PAX8: variants seen among roughly 807,000 people sequenced by gnomAD.
PAX8 encodes paired box protein Pax-8.
Under a neutral mutation model 52.4 loss-of-function variants are expected in PAX8, and 15 were observed. The ratio of observed to expected loss-of-function variants is 0.29; its 90% confidence interval spans 0.19 to 0.44. PAX8 has a LOEUF of 0.44. Among genes scored for constraint, PAX8 ranks in the 20% least tolerant of loss-of-function variants. The probability of loss-of-function intolerance (pLI) is 1.00; values close to 1 mark genes in which losing one functional copy is unlikely to be tolerated. For synonymous variants in PAX8, 284 were observed against 249.7 expected, an observed-to-expected ratio of 1.14 and a Z score of -1.29; for missense variants, 554 against 602.5, an observed-to-expected ratio of 0.92 and a Z score of 0.84.
At chr2:113,235,326 G>A (rs944899776) in intron 9 of PAX8, 68 bp downstream of exon 9, 91 of 1,353,732 alleles carry the variant, frequency 6.7e-5, no homozygotes, top group Middle Eastern at 2.5e-4. Flanking sequence ...GGGGCTGGCG[G>A]TCTGCCCTGA....
chr2:113,241,667 T>C lies in PAX8; in HGVS notation c.661A>G (p.Lys221Glu), dbSNP rs1340096337. 3 of 1,614,092 alleles carry C rather than the reference T, an allele frequency of 1.9e-6. No individual in the cohort carries two copies. Among genetic ancestry groups the C allele is most frequent in the African/African-American group, 1.3e-5 (1 of 75,018 alleles). ...CTGAAGGCATCCGTGCGAAGGTGCT[T>C]TCGGGGTCCGCTGCTGCTGCTCTGT... ...DSQSSSSGPR[K>E]HLRTDAFSQH... The change falls in exon 7 of 12, where the codon AAG becomes GAG. Residue 221 changes from lysine to glutamate, a missense_variant. Around this residue, in one of 2 missense-constraint regions of PAX8, gnomAD observed 445 missense variants for 409.9 expected, o/e 1.09. Transcript: ENST00000429538.
intron 10 of PAX8, chr2:113,225,837 G>A: frequency 6.6e-6 from 6 of 903,180 alleles, no homozygotes; most frequent in Non-Finnish European, 7.9e-6. Context: ...GGAACCGACT[G>A]GAGACTGGGA....
In PAX8 at chr2:113,278,308, G is replaced by T. The variant is rs539430071; in HGVS notation, c.25+62C>A. 14 of 1,304,238 alleles carry T rather than the reference G, an allele frequency of 1.1e-5. No homozygotes were observed. In the East Asian group the frequency reaches 3.1e-4, roughly 28 times the overall value. 80.8% of individuals were successfully genotyped at this position (1,304,238 alleles called of 1,614,324 possible). A position where few individuals can be genotyped will look rare whatever the true frequency, so the allele number is the denominator to read the frequency against. On this transcript the variant is annotated intron_variant, in intron 2 of 11. Coordinates refer to ENST00000429538, the MANE Select transcript of PAX8 (RefSeq NM_003466.4). ...ACGCTCTCGAGATCCAACCACCCGA[G>T]CGCACGCACGGACGCTCAGCGGCGC...
At position 113,216,375 on chromosome 2, in the gene PAX8, T is replaced by TCTCCCAGCCTCTGTC; in HGVS notation, c.*2143_*2157dup. The TCTCCCAGCCTCTGTC allele has an allele frequency of 4.3e-6, 1 of 232,004 alleles. No homozygotes were observed. The highest frequency in any genetic ancestry group is 8.5e-6 in the Non-Finnish European group (1 of 117,294). The allele number at this position is 232,004 out of a possible 1,614,324, so 14.4% of individuals were successfully genotyped here. On this transcript the variant is annotated 3_prime_UTR_variant, in exon 12 of 12. Coordinates refer to ENST00000429538, the MANE Select transcript of PAX8 (RefSeq NM_003466.4). ...GAGGCCTAAGGAGGTAAGAGCCCTCTCTCCCAGCCTCTGTCCTCCCAGCCC... is the reference window on the plus strand; with the variant it reads ...GAGGCCTAAGGAGGTAAGAGCCCTCTCTCCCAGCCTCTGTCCTCCCAGCCTCTGTCCTCCCAGCCC...
intron 10 of PAX8, chr2:113,226,708 C>T: frequency 1.8e-6 from 2 of 1,128,374 alleles, no homozygotes; most frequent in Non-Finnish European, 1.1e-6. Flanking sequence ...CCTTCAGATT[C>T]AGATTTTACA....
chr2:113,250,892 A>C (rs1691709195), intron 2 of PAX8: 1 of 152,232 alleles, frequency 6.6e-6, no homozygotes, highest in African/African-American at 2.4e-5. Context: ...TCTTTCTTGA[A>C]GGATATAAGT....
intron 2 of PAX8, chr2:113,274,912 A>G (rs1341082314): frequency 6.6e-6 from 1 of 152,238 alleles, no homozygotes; most frequent in Admixed American, 6.5e-5. Flanking sequence ...TATAAAATGC[A>G]TCTCAATAAA....
At chr2:113,249,469 C>T (rs144330449) in intron 2 of PAX8, among the ~76,000 whole-genome samples, 25 of 152,236 alleles carry the variant, frequency 1.6e-4, no homozygotes, top group Middle Eastern at 3.4e-3. Context: ...TAGGCTGGGA[C>T]CTCTATATCT....
At chr2:113,226,519 G>C (rs1348837300) in intron 10 of PAX8, 1 of 988,350 alleles carries the variant, frequency 1.0e-6, no homozygotes, top group South Asian at 4.6e-5. Flanking sequence ...CTGGCAGGCA[G>C]GTTCCAGAAC....
intron 2 of PAX8, among the ~76,000 whole-genome samples, chr2:113,248,072 G>A (rs965048359): frequency 6.6e-6 from 1 of 152,170 alleles, no homozygotes; most frequent in East Asian, 1.9e-4. Flanking sequence ...GGAACAGAAT[G>A]TGCAAAGACT....
intron 2 of PAX8, among the ~76,000 whole-genome samples, chr2:113,250,572 G>A (rs568978605): frequency 4.6e-5 from 7 of 152,310 alleles, no homozygotes; most frequent in African/African-American, 1.7e-4. Flanking sequence ...TCCACATGGT[G>A]CTAATGCTGC....
intron 9 of PAX8, among the ~76,000 whole-genome samples, chr2:113,232,335 C>T (rs1322905734): frequency 1.3e-5 from 2 of 152,228 alleles, no homozygotes; most frequent in South Asian, 2.1e-4. Context: ...CCCAGATCCT[C>T]CAAGGCTAGC....
intron 2 of PAX8, chr2:113,270,959 C>G (rs992507882): frequency 6.6e-6 from 1 of 152,186 alleles, no homozygotes; most frequent in African/African-American, 2.4e-5. Context: ...GGGAGCTAAG[C>G]AGCTACTTTC....
chr2:113,229,804 G>T (rs1689783735), intron 9 of PAX8, among the ~76,000 whole-genome samples: 1 of 152,196 alleles, frequency 6.6e-6, no homozygotes, highest in Non-Finnish European at 1.5e-5. Context: ...CAAGAGGGAA[G>T]GAGTGACAGG....
rs764490526 is a variant in PAX8, at chr2:113,218,510, C to T, written c.*23G>A. 4.1e-6 allele frequency: 6 copies of T among 1,475,802 alleles called. No homozygotes were observed. Among genetic ancestry groups the T allele is most frequent in the Non-Finnish European group, 5.5e-6 (6 of 1,089,840 alleles). 91.4% of individuals were successfully genotyped at this position (1,475,802 alleles called of 1,614,324 possible). On this transcript the variant is annotated 3_prime_UTR_variant, in exon 12 of 12. Coordinates refer to ENST00000429538, the MANE Select transcript of PAX8 (RefSeq NM_003466.4). ...AGGCTGAGTCCTCCTGTTGCTCAGTCGCTCCCACTGTCCCCATGGCAACTA... is the reference window on the plus strand; with the variant it reads ...AGGCTGAGTCCTCCTGTTGCTCAGTTGCTCCCACTGTCCCCATGGCAACTA...
At chr2:113,276,767 GCACT>G (rs1417487101) in intron 2 of PAX8, among the ~76,000 whole-genome samples, 1 of 152,080 alleles carries the variant, frequency 6.6e-6, no homozygotes, top group East Asian at 1.9e-4. Context: ...ATTTCCGAGA[GCACT>G]CACTCCTCCT....
At chr2:113,236,542 C>T in intron 8 of PAX8, 59 bp downstream of exon 8, 1 of 1,528,112 alleles carries the variant, frequency 6.5e-7, no homozygotes, top group Non-Finnish European at 8.8e-7. Context: ...CGCCTGACAG[C>T]CAGCCAAGCT....
intron 2 of PAX8, among the ~76,000 whole-genome samples, chr2:113,260,030 G>A (rs895419): frequency 1 from 151,807 of 152,348 alleles, 75,636 homozygotes; most frequent in Non-Finnish European, 1. Context: ...TGTGGCTACT[G>A]ATGCTTTTTT....
At chr2:113,233,345 A>C (rs1361367497) in intron 9 of PAX8, among the ~76,000 whole-genome samples, 1 of 147,658 alleles carries the variant, frequency 6.8e-6, no homozygotes, top group African/African-American at 2.5e-5. Flanking sequence ...AAAAAAAAAA[A>C]CCCGGGTGCC....
Sources: gnomAD v4.1 joint callset for allele counts (sites outside exome capture counted in the v4.1 genomes callset) on GRCh38, gnomAD v4.1.1 for gene constraint, gnomAD v4.1.1 regional missense constraint, MANE v1.5 for transcripts, NCBI Gene and HGNC (gene_info 2026-07-23, HGNC 2026-07-21) for gene names.